PLCH1: variants seen among roughly 807,000 people sequenced by gnomAD.
PLCH1 encodes the protein 1-phosphatidylinositol 4,5-bisphosphate phosphodiesterase eta-1.
A neutral mutation model predicts 126.7 loss-of-function variants in PLCH1; 60 were observed. The observed-to-expected ratio is 0.47, with a 90% CI of 0.38 to 0.59. The LOEUF is 0.59. Ranked by LOEUF, PLCH1 falls within the 20% of genes least tolerant of loss-of-function variation. The probability of loss-of-function intolerance (pLI) is 0.00; values close to 1 mark genes in which losing one functional copy is unlikely to be tolerated. For missense variants in PLCH1, 1,723 were observed against 2,040.0 expected (o/e 0.84, Z 2.99); for synonymous variants, 719 against 734.9 (o/e 0.98, Z 0.35).
intron 21 of PLCH1, among the ~76,000 whole-genome samples, chr3:155,464,010 C>T (rs1712833354): frequency 6.6e-6 from 1 of 152,186 alleles, no homozygotes; most frequent in Non-Finnish European, 1.5e-5. Flanking sequence ...CATGGTCATG[C>T]CCTTAGGGAA....
At chr3:155,609,390 AC>A (rs1734767414) in intron 2 of PLCH1, among the ~76,000 whole-genome samples, 1 of 152,214 alleles carries the variant, frequency 6.6e-6, no homozygotes, top group Non-Finnish European at 1.5e-5. Flanking sequence ...AAGAATCTGG[AC>A]AGCAGCCCTT....
rs769687200 is a variant in PLCH1, at chr3:155,482,568, G to C, written c.3458C>G (p.Ser1153Cys). ...AGTTGAATGTAGGTCAGGTATGTCA[G>C]AACAGAGCATGGAGACGTCTGACAA... Reference protein sequence around the residue: ...FSLSDVSMLCSDIPDLHSTAI... With the variant: ...FSLSDVSMLCCDIPDLHSTAI... Residue 1153 changes from serine (S) to cysteine (C), a missense_variant, in exon 23 of 23, where the codon TCT becomes TGT. Around this residue, in one of 2 missense-constraint regions of PLCH1, gnomAD observed 947 missense variants for 977.1 expected, o/e 0.97. Coordinates refer to ENST00000460012, the MANE Select transcript of PLCH1 (RefSeq NM_014996.4). The C allele has an allele frequency of 6.2e-7, 1 of 1,614,226 alleles. No individual in the cohort carries two copies. Among genetic ancestry groups the C allele is most frequent in the Admixed American group, 1.7e-5 (1 of 60,024 alleles).
chr3:155,529,759 T>TTTTTG (rs71155050), intron 10 of PLCH1, among the ~76,000 whole-genome samples: 112 of 150,636 alleles, frequency 7.4e-4, no homozygotes, highest in Admixed American at 1.5e-3. Context: ...ATTTGCTTCT[T>TTTTTG]TTTTGTTTTG....
At chr3:155,511,624 G>A (rs554793436) in intron 12 of PLCH1, among the ~76,000 whole-genome samples, 2 of 140,624 alleles carry the variant, frequency 1.4e-5, no homozygotes, top group East Asian at 2.0e-4. Flanking sequence ...TGAGGTGTCA[G>A]TGTGCCCCTG....
intron 1 of PLCH1, among the ~76,000 whole-genome samples, chr3:155,717,860 C>T (rs1747645559): frequency 6.6e-6 from 1 of 152,214 alleles, no homozygotes; most frequent in Admixed American, 6.5e-5. Context: ...GGTGTTGCTC[C>T]CCAACCTGCT....
intron 2 of PLCH1, among the ~76,000 whole-genome samples, chr3:155,687,070 TCTTGCTCCTTGATAAGTCA>T (rs1481479652): frequency 8.5e-5 from 13 of 152,318 alleles, no homozygotes; most frequent in African/African-American, 3.1e-4. Flanking sequence ...CTGCCAAAAT[TCTTGCTCCTTGATAAGTCA>T]CTCAAATAGC....
rs555496519 is a variant in PLCH1, at chr3:155,740,668, T to C, written c.-41+4172A>G. Among the ~76,000 whole-genome samples the C allele has an allele frequency of 2.0e-4, 31 of 152,166 alleles. 1 individual carries two copies. The highest frequency in any genetic ancestry group is 7.2e-4 in the African/African-American group (30 of 41,518). On this transcript the variant is annotated intron_variant, in intron 1 of 22. Transcript: ENST00000460012. ...GAGTTCAAAACTACCCTGAGCAACA[T>C]AGTGAGACCTCATGTCTAAAATTAA...
intron 2 of PLCH1, among the ~76,000 whole-genome samples, chr3:155,646,740 T>C (rs1401990437): frequency 6.6e-6 from 1 of 152,044 alleles, no homozygotes; most frequent in Admixed American, 6.6e-5. Flanking sequence ...TCCTTGAACC[T>C]CCTCCCTAAC....
At chr3:155,587,584 G>A (rs1210305786) in intron 4 of PLCH1, among the ~76,000 whole-genome samples, 1 of 152,180 alleles carries the variant, frequency 6.6e-6, no homozygotes, top group Non-Finnish European at 1.5e-5. Context: ...TAAATCACGG[G>A]CAGGTAATGT....
intron 10 of PLCH1, among the ~76,000 whole-genome samples, chr3:155,538,378 GA>G (rs1723734423): frequency 6.6e-6 from 1 of 151,850 alleles, no homozygotes; most frequent in Admixed American, 6.6e-5. Context: ...TTCAGCAGAA[GA>G]AAAGAAATAA....
intron 1 of PLCH1, among the ~76,000 whole-genome samples, chr3:155,729,868 G>T (rs1306387723): frequency 6.8e-6 from 1 of 147,306 alleles, no homozygotes; most frequent in Non-Finnish European, 1.5e-5. Flanking sequence ...AGGTTGCAGT[G>T]AGCAAGAGAT....
intron 10 of PLCH1, among the ~76,000 whole-genome samples, chr3:155,539,609 C>A (rs1723940105): frequency 6.6e-6 from 1 of 151,942 alleles, no homozygotes; most frequent in South Asian, 2.1e-4. Flanking sequence ...TATATACCAA[C>A]AACAACCAAG....
chr3:155,672,568 G>A (rs1743620946), intron 2 of PLCH1, among the ~76,000 whole-genome samples: 1 of 152,138 alleles, frequency 6.6e-6, no homozygotes, highest in Non-Finnish European at 1.5e-5. Context: ...AAAAGTTGAG[G>A]AGGGGTTCTC....
intron 2 of PLCH1, among the ~76,000 whole-genome samples, chr3:155,615,388 G>A (rs1242607111): frequency 6.6e-6 from 1 of 152,174 alleles, no homozygotes; most frequent in East Asian, 1.9e-4. Flanking sequence ...ATTCCTTAAA[G>A]AACAAAAAGT....
chr3:155,524,277 A>G (rs1046760604), intron 10 of PLCH1, among the ~76,000 whole-genome samples: 10 of 152,234 alleles, frequency 6.6e-5, no homozygotes, highest in African/African-American at 2.2e-4. Flanking sequence ...GACAGAAAGT[A>G]AAATGGTGAT....
At chr3:155,536,275 C>T (rs1197971296) in intron 10 of PLCH1, among the ~76,000 whole-genome samples, 1 of 152,102 alleles carries the variant, frequency 6.6e-6, no homozygotes, top group African/African-American at 2.4e-5. Flanking sequence ...TTCTTTAACA[C>T]CCTCAAAAGA....
At chr3:155,471,404 C>G (rs1713221882) in intron 21 of PLCH1, among the ~76,000 whole-genome samples, 2 of 151,246 alleles carry the variant, frequency 1.3e-5, no homozygotes, top group African/African-American at 4.9e-5. Flanking sequence ...GCGCCCAATA[C>G]AGGAGCACCC....
intron 21 of PLCH1, among the ~76,000 whole-genome samples, chr3:155,451,689 A>G (rs1304539464): frequency 6.6e-6 from 1 of 152,194 alleles, no homozygotes; most frequent in Non-Finnish European, 1.5e-5. Flanking sequence ...GGTTTTTGCC[A>G]TTAAAAGTAA....
At chr3:155,587,132 T>C (rs1731479232) in intron 4 of PLCH1, among the ~76,000 whole-genome samples, 1 of 152,216 alleles carries the variant, frequency 6.6e-6, no homozygotes, top group South Asian at 2.1e-4. Context: ...TTAGAGTTCT[T>C]CGTTTATGAG....
Sources: gnomAD v4.1 joint callset for allele counts (sites outside exome capture counted in the v4.1 genomes callset) on GRCh38, gnomAD v4.1.1 for gene constraint, gnomAD v4.1.1 regional missense constraint, MANE v1.5 for transcripts, NCBI Gene and HGNC (gene_info 2026-07-23, HGNC 2026-07-21) for gene names.